SIPA1L1: variants seen among roughly 807,000 people sequenced by gnomAD.
SIPA1L1 encodes the protein signal induced proliferation associated 1 like 1.
A neutral mutation model predicts 162.7 loss-of-function variants in SIPA1L1; 26 were observed. The ratio of observed to expected loss-of-function variants is 0.16; its 90% confidence interval spans 0.12 to 0.22. SIPA1L1 has a LOEUF of 0.22. Among genes scored for constraint, SIPA1L1 ranks in the 10% least tolerant of loss-of-function variants. SIPA1L1 has a pLI of 1.00. For synonymous variants in SIPA1L1, 829 were observed against 837.4 expected (o/e 0.99, Z 0.17); for missense variants, 1,874 against 2,241.0 (o/e 0.84, Z 3.31).
At chr14:71,640,408 T>C (rs1391254718) in intron 7 of SIPA1L1, among the ~76,000 whole-genome samples, 1 of 152,158 alleles carries the variant, frequency 6.6e-6, no homozygotes, top group Non-Finnish European at 1.5e-5. Context: ...AGATTAACAA[T>C]ATCTTACAGT....
intron 2 of SIPA1L1, among the ~76,000 whole-genome samples, chr14:71,414,297 A>G (rs1247902852): frequency 2.0e-5 from 3 of 151,918 alleles, no homozygotes; most frequent in African/African-American, 7.3e-5. Flanking sequence ...GAGAATTGCT[A>G]GAACCCAGGA....
rs1409110199 is a variant in SIPA1L1, at chr14:71,459,641, G to C, written c.-464-53102G>C. ...CCAGCATGGGAAAGAGATGTAGGCT[G>C]GGAGGCTAGGCCAGTCTCGCCTTTT... is the stretch of plus-strand genomic sequence containing the variant. On this transcript the variant is annotated intron_variant, in intron 2 of 23. Coordinates refer to ENST00000381232, the MANE Select transcript of SIPA1L1 (RefSeq NM_001386936.1). Among the ~76,000 whole-genome samples the C allele has an allele frequency of 7.9e-5, 12 of 152,236 alleles. No homozygotes were observed. In the East Asian group the frequency reaches 1.9e-3, roughly 25 times the overall value.
intron 2 of SIPA1L1, among the ~76,000 whole-genome samples, chr14:71,324,976 G>A (rs562443613): frequency 6.6e-6 from 1 of 152,292 alleles, no homozygotes; most frequent in Non-Finnish European, 1.5e-5. Flanking sequence ...TTCCAGTGGA[G>A]TAATCTGAGC....
At chr14:71,505,159 G>A (rs904879830) in intron 2 of SIPA1L1, among the ~76,000 whole-genome samples, 3 of 151,962 alleles carry the variant, frequency 2.0e-5, no homozygotes, top group Non-Finnish European at 2.9e-5. Context: ...AACTATCACC[G>A]TTCTTTCATT....
At chr14:71,460,360 G>A (rs535997491) in intron 2 of SIPA1L1, among the ~76,000 whole-genome samples, 12 of 152,312 alleles carry the variant, frequency 7.9e-5, no homozygotes, top group South Asian at 4.1e-4. Flanking sequence ...TGGATTGGGC[G>A]TTGTAGTTTC....
chr14:71,706,438 G>C (rs2082443189), intron 16 of SIPA1L1, among the ~76,000 whole-genome samples: 1 of 151,938 alleles, frequency 6.6e-6, no homozygotes, highest in South Asian at 2.1e-4. Flanking sequence ...CTTTTTACTA[G>C]AAAATTTAAA....
At chr14:71,556,155 G>A (rs2056334321) in intron 4 of SIPA1L1, among the ~76,000 whole-genome samples, 1 of 152,100 alleles carries the variant, frequency 6.6e-6, no homozygotes, top group East Asian at 1.9e-4. Flanking sequence ...ATAAAATGAG[G>A]TGTGCCTGTA....
chr14:71,633,492 T>A (rs918210522), intron 7 of SIPA1L1, among the ~76,000 whole-genome samples: 2 of 151,852 alleles, frequency 1.3e-5, no homozygotes, highest in African/African-American at 4.8e-5. Context: ...TTTTTAAAAA[T>A]GAAAAAATAG....
At chr14:71,320,778 G>C (rs926823839) in intron 1 of SIPA1L1, among the ~76,000 whole-genome samples, 1 of 149,664 alleles carries the variant, frequency 6.7e-6, no homozygotes, top group East Asian at 2.0e-4. Context: ...CGTACTGGCC[G>C]CCCCCTCAGT....
chr14:71,619,414 C>A (rs1206381842), intron 6 of SIPA1L1, among the ~76,000 whole-genome samples: 1 of 151,898 alleles, frequency 6.6e-6, no homozygotes, highest in African/African-American at 2.4e-5. Context: ...CAGGGGCTAT[C>A]TAATTGTAAG....
chr14:71,555,857 A>T (rs896902339), intron 4 of SIPA1L1, among the ~76,000 whole-genome samples: 2 of 152,124 alleles, frequency 1.3e-5, no homozygotes, highest in Non-Finnish European at 2.9e-5. Flanking sequence ...ACATTTGTTG[A>T]TTGTTTGACA....
chr14:71,525,131 G>A (rs1306135053), intron 3 of SIPA1L1, among the ~76,000 whole-genome samples: 7 of 150,568 alleles, frequency 4.6e-5, no homozygotes, highest in African/African-American at 1.5e-4. Flanking sequence ...ACACCACCAC[G>A]CCTGGCTAAT....
intron 2 of SIPA1L1, among the ~76,000 whole-genome samples, chr14:71,328,951 C>G (rs1330598484): frequency 6.6e-6 from 1 of 152,218 alleles, no homozygotes; most frequent in Non-Finnish European, 1.5e-5. Flanking sequence ...CTCCCACAGA[C>G]TCTGGCAACC....
intron 2 of SIPA1L1, among the ~76,000 whole-genome samples, chr14:71,349,779 G>A (rs541312323): frequency 6.6e-6 from 1 of 152,302 alleles, no homozygotes; most frequent in South Asian, 2.1e-4. Context: ...AATTTAGGAG[G>A]TCAGCTTGTA....
intron 2 of SIPA1L1, among the ~76,000 whole-genome samples, chr14:71,427,454 C>T (rs2043653336): frequency 6.6e-6 from 1 of 152,154 alleles, no homozygotes; most frequent in African/African-American, 2.4e-5. Context: ...CTGCTGCTTT[C>T]AAGATTCTAT....
At chr14:71,449,159 A>G (rs1199748460) in intron 2 of SIPA1L1, among the ~76,000 whole-genome samples, 1 of 152,218 alleles carries the variant, frequency 6.6e-6, no homozygotes, top group Non-Finnish European at 1.5e-5. Context: ...GATTAAAGCC[A>G]GAGGGACAGC....
At chr14:71,714,014 A>G (rs1017845977) in intron 17 of SIPA1L1, among the ~76,000 whole-genome samples, 11 of 152,178 alleles carry the variant, frequency 7.2e-5, no homozygotes, top group African/African-American at 2.7e-4. Context: ...CAAAACCAGA[A>G]CTTCTCTTAA....
rs2034888237 is a variant in SIPA1L1 at position 71,588,636 on chromosome 14, C to G, written c.764C>G (p.Ser255Cys). Residue 255 changes from serine (S) to cysteine (C), a missense_variant, in exon 5 of 24, where the codon TCT becomes TGT. Coordinates refer to ENST00000381232, the MANE Select transcript of SIPA1L1 (RefSeq NM_001386936.1). The surrounding 1 kb of genome is among the most constrained non-coding windows in gnomAD (Gnocchi z 4.3). ...DFLITGGGKG[S>C]GFSLDVIDGP... ...CTCATTACTGGTGGTGGCAAGGGTT[C>G]TGGTTTCTCTTTGGATGTAATAGAC... The G allele has an allele frequency of 1.2e-6, 2 of 1,614,046 alleles. No individual in the cohort carries two copies. Among genetic ancestry groups the G allele is most frequent in the Non-Finnish European group, 1.7e-6 (2 of 1,179,964 alleles).
intron 15 of SIPA1L1, chr14:71,704,829 C>T: frequency 7.6e-7 from 1 of 1,309,298 alleles, no homozygotes; most frequent in Non-Finnish European, 1.1e-6. Flanking sequence ...GTGATTGCAT[C>T]CATGCCTGTC....
Sources: allele counts gnomAD v4.1 joint callset (sites outside exome capture counted in the v4.1 genomes callset), GRCh38; gene constraint gnomAD v4.1.1; non-coding constraint Gnocchi (gnomAD v3.1); transcripts MANE v1.5; gene names NCBI Gene and HGNC (gene_info 2026-07-23, HGNC 2026-07-21).